Variants in CYTH3 observed in about 807,000 individuals in gnomAD.
CYTH3 encodes cytohesin 3, also known as cytohesin-3.
In CYTH3, 23 loss-of-function variants were observed where a neutral mutation model predicts 55.1. The ratio of observed to expected loss-of-function variants is 0.42; its 90% CI spans 0.30 to 0.59. The LOEUF is 0.59. Among genes scored for constraint, CYTH3 ranks in the 20% least tolerant of loss-of-function variants. The probability of loss-of-function intolerance (pLI) is 0.20; values close to 1 mark genes in which losing one functional copy is unlikely to be tolerated. For missense variants in CYTH3, 413 were observed against 524.8 expected (o/e 0.79, Z 2.08); for synonymous variants, 249 against 194.9 (o/e 1.28, Z -2.31).
chr7:6,220,761 C>T (rs1458945912), intron 1 of CYTH3, among the ~76,000 whole-genome samples: 3 of 151,906 alleles, frequency 2.0e-5, no homozygotes, highest in African/African-American at 4.8e-5. Flanking sequence ...TTTGGGAGGC[C>T]GAGGCAGGTG....
At chr7:6,234,506 C>T (rs1054700225) in intron 1 of CYTH3, among the ~76,000 whole-genome samples, 1 of 152,170 alleles carries the variant, frequency 6.6e-6, no homozygotes, top group Non-Finnish European at 1.5e-5. Flanking sequence ...GCAAGAACAT[C>T]AAAAGCCCCA....
At chr7:6,233,050 C>T (rs1052261110) in intron 1 of CYTH3, among the ~76,000 whole-genome samples, 1 of 152,118 alleles carries the variant, frequency 6.6e-6, no homozygotes, top group African/African-American at 2.4e-5. Flanking sequence ...TCACAGGATT[C>T]CTCTTTCTTC....
chr7:6,165,156 T>C, intron 12 of CYTH3, 117 bp downstream of exon 12: 2 of 1,555,192 alleles, frequency 1.3e-6, no homozygotes, highest in Non-Finnish European at 8.7e-7. Context: ...CCCTCTGGGG[T>C]TTCTGGAGAC....
intron 4 of CYTH3, among the ~76,000 whole-genome samples, chr7:6,186,425 T>C (rs1562885672): frequency 6.6e-6 from 1 of 152,048 alleles, no homozygotes; most frequent in Non-Finnish European, 1.5e-5. Context: ...TTCTGCCAAA[T>C]CCCTTAGCTC....
intron 1 of CYTH3, among the ~76,000 whole-genome samples, chr7:6,244,975 T>A (rs988970637): frequency 8.1e-6 from 1 of 123,180 alleles, no homozygotes; most frequent in African/African-American, 3.0e-5. Context: ...TTTTTTTTTT[T>A]TTTTTTTTTT....
intron 3 of CYTH3, 98 bp from the exon 4 acceptor site, chr7:6,187,214 A>C: frequency 7.6e-7 from 1 of 1,322,598 alleles, no homozygotes; most frequent in Non-Finnish European, 1.1e-6. Flanking sequence ...CAACGGGCTC[A>C]AGGAAGCGAA....
chr7:6,236,134 T>G (rs147436121), intron 1 of CYTH3, among the ~76,000 whole-genome samples: 8 of 152,318 alleles, frequency 5.3e-5, no homozygotes, highest in African/African-American at 1.9e-4. Context: ...AATCTTAAAC[T>G]GTATCATGCA....
At chr7:6,179,809 CCA>C (rs568496787) in intron 4 of CYTH3, among the ~76,000 whole-genome samples, 24 of 134,210 alleles carry the variant, frequency 1.8e-4, no homozygotes, top group African/African-American at 4.7e-4. Flanking sequence ...ACCACACACA[CCA>C]CACACACACC....
rs1783034974 is a variant in CYTH3, at chr7:6,167,210, G to C, written c.824-1400C>G. Among the ~76,000 whole-genome samples, 1 of 152,142 alleles carries C rather than the reference G, an allele frequency of 6.6e-6. No individual in the cohort carries two copies. Among genetic ancestry groups the C allele is most frequent in the Admixed American group, 6.5e-5 (1 of 15,272 alleles). ...GGCTCCATGCTCTCTGCAAGCCCTTGGCCTTCACCTTCCCCACCTCCACTG... is the reference window on the plus strand; with the variant it reads ...GGCTCCATGCTCTCTGCAAGCCCTTCGCCTTCACCTTCCCCACCTCCACTG... On this transcript the variant is annotated intron_variant, in intron 9 of 12. Coordinates refer to ENST00000350796, the MANE Select transcript of CYTH3 (RefSeq NM_004227.4). This position sits in a 1 kb window ranked among gnomAD's most constrained non-coding sequence, Gnocchi z 5.5.
At chr7:6,198,574 T>C (rs1783991385) in intron 1 of CYTH3, among the ~76,000 whole-genome samples, 1 of 152,232 alleles carries the variant, frequency 6.6e-6, no homozygotes, top group Non-Finnish European at 1.5e-5. Context: ...AGGCTTGGAT[T>C]CACTTATTGA....
chr7:6,196,456 CTTTTTTTTT>C lies in CYTH3; in HGVS notation c.35-5934_35-5926del, dbSNP rs5882084. 1.3e-4 allele frequency among the ~76,000 whole-genome samples: 15 copies of C among 113,986 alleles called. No homozygotes were observed. The East Asian group carries it at 1.9e-3, about 14-fold the overall frequency. The allele number at this position is 113,986 out of a possible 152,430, so 74.8% of individuals were successfully genotyped here. A position where few individuals can be genotyped will look rare whatever the true frequency, so the allele number is the denominator to read the frequency against. On this transcript the variant is annotated intron_variant, in intron 1 of 12. Coordinates refer to ENST00000350796, the MANE Select transcript of CYTH3 (RefSeq NM_004227.4). ...GAGGGAGCATCTTTTTTCTTTTTTT[CTTTTTTTTT>C]TTTTTTTTTTTGAGACGGAATTTCA...
intron 1 of CYTH3, among the ~76,000 whole-genome samples, chr7:6,248,105 A>G (rs1316648642): frequency 2.0e-5 from 3 of 151,978 alleles, no homozygotes; most frequent in Non-Finnish European, 4.4e-5. Flanking sequence ...TCTCATTTCT[A>G]TAATTACTAT....
At chr7:6,185,276 T>C (rs887999969) in intron 4 of CYTH3, among the ~76,000 whole-genome samples, 1 of 152,208 alleles carries the variant, frequency 6.6e-6, no homozygotes, top group African/African-American at 2.4e-5. Context: ...GGTGCAGATG[T>C]GCTGGGCCTT....
At chr7:6,217,655 A>C (rs1173403388) in intron 1 of CYTH3, among the ~76,000 whole-genome samples, 1 of 152,194 alleles carries the variant, frequency 6.6e-6, no homozygotes, top group Non-Finnish European at 1.5e-5. Context: ...AAGAATCAGC[A>C]AGTATAGAGA....
chr7:6,185,683 G>C (rs1583758124), intron 4 of CYTH3, among the ~76,000 whole-genome samples: 1 of 147,880 alleles, frequency 6.8e-6, no homozygotes, highest in Non-Finnish European at 1.5e-5. Flanking sequence ...CTGGGCAACA[G>C]AGTTAGACTC....
intron 1 of CYTH3, among the ~76,000 whole-genome samples, chr7:6,227,544 G>C (rs1779287514): frequency 6.6e-6 from 1 of 152,104 alleles, no homozygotes; most frequent in East Asian, 1.9e-4. Context: ...ATCAGACTTG[G>C]AAGCGTTCCC....
At chr7:6,188,474 C>T (rs1010763943) in intron 2 of CYTH3, among the ~76,000 whole-genome samples, 2 of 152,100 alleles carry the variant, frequency 1.3e-5, no homozygotes, top group African/African-American at 4.8e-5. Context: ...TGCCTGTGTT[C>T]CCAGGGAGAA....
At chr7:6,198,049 G>C (rs1031579498) in intron 1 of CYTH3, among the ~76,000 whole-genome samples, 1 of 146,580 alleles carries the variant, frequency 6.8e-6, no homozygotes, top group Non-Finnish European at 1.5e-5. Flanking sequence ...AGCTATGACT[G>C]TGCTACTGCA....
chr7:6,168,074 G>T (rs1255593295), intron 9 of CYTH3, among the ~76,000 whole-genome samples: 1 of 152,196 alleles, frequency 6.6e-6, no homozygotes, highest in Non-Finnish European at 1.5e-5. Context: ...ACAAGAGCCT[G>T]GCTTCTGGAA....
Sources: allele counts gnomAD v4.1 joint callset (sites outside exome capture counted in the v4.1 genomes callset), GRCh38; gene constraint gnomAD v4.1.1; non-coding constraint Gnocchi (gnomAD v3.1); transcripts MANE v1.5; gene names NCBI Gene and HGNC (gene_info 2026-07-23, HGNC 2026-07-21).